SUV39H1: variants seen among roughly 807,000 people sequenced by gnomAD.
SUV39H1 encodes the protein histone-lysine N-methyltransferase SUV39H1.
For missense variants in SUV39H1, 180 were observed against 386.3 expected (o/e 0.47, Z 4.48); for synonymous variants, 141 against 150.5 (o/e 0.94, Z 0.46).
chrX:48,700,657 C>T lies in SUV39H1; in HGVS notation c.732C>T (p.Asp244=), dbSNP rs2062471734. The T allele has an allele frequency of 8.3e-7, 1 of 1,211,209 alleles. No homozygotes were observed. The highest frequency in any genetic ancestry group is 1.1e-6 in the Non-Finnish European group (1 of 895,485). The part of the protein sequence containing the change: ...NRVVQKGIRY[D]LCIFRTDDGR... ...TGGTACAGAAGGGTATCCGATATGACCTCTGCATCTTCCGCACGGATGATG... is the reference window on the plus strand; with the variant it reads ...TGGTACAGAAGGGTATCCGATATGATCTCTGCATCTTCCGCACGGATGATG... The change falls in exon 3 of 6, where the codon GAC becomes GAT. Residue 244 remains aspartate, a synonymous_variant. Coordinates refer to ENST00000376687, the MANE Select transcript of SUV39H1 (RefSeq NM_003173.4).
rs781951382 is a variant in SUV39H1, at chrX:48,700,249, G to A, written c.324G>A (p.Arg108=). ...LRRHHRSKTP[R]HLDPSLANYL... is the part of the protein sequence containing the mutation. ...GGCACCACCGGTCAAAGACCCCCCG[G>A]CACCTGGACCCAAGCTTGGCCAACT... Residue 108 remains arginine, a synonymous_variant, in exon 3 of 6, where the codon CGG becomes CGA. Transcript: ENST00000376687. The A allele has an allele frequency of 3.3e-6, 4 of 1,207,719 alleles. No individual in the cohort carries two copies. Among genetic ancestry groups the A allele is most frequent in the Middle Eastern group, 4.6e-4 (2 of 4,350 alleles).
chrX:48,696,728 G>C (rs1557008641), upstream of SUV39H1: 2 of 1,125,558 alleles, frequency 1.8e-6, no homozygotes, highest in African/African-American at 3.8e-5. Flanking sequence ...CCACGCCCGC[G>C]CGAGCGCTCT....
At position 48,700,198 on chromosome X, in the gene SUV39H1, G is replaced by A. The variant is rs782249211; in HGVS notation, c.273G>A (p.Lys91=). ...TGCGTATCCTCAAGCAGTTCCACAA[G>A]GACTTAGAAAGGGAGCTGCTCCGGC... ...KCVRILKQFH[K]DLERELLRRH... The change falls in exon 3 of 6, where the codon AAG becomes AAA. Residue 91 remains lysine (K), a synonymous_variant. Transcript: ENST00000376687. 8.3e-6 allele frequency: 10 copies of A among 1,203,599 alleles called. No homozygotes were observed. The South Asian group carries it at 9.0e-5, about 11-fold the overall frequency.
At position 48,706,589 on chromosome X, in the gene SUV39H1, G is replaced by A; in HGVS notation, c.1067G>A (p.Arg356Gln). 6 of 1,209,566 alleles carry A rather than the reference G, an allele frequency of 5.0e-6. No homozygotes were observed. Among genetic ancestry groups the A allele is most frequent in the Non-Finnish European group, 6.7e-6 (6 of 894,399 alleles). Residue 356 changes from arginine (R) to glutamine (Q), a missense_variant, in exon 5 of 6, where the codon CGG becomes CAG. By Grantham distance (43) the Arg-to-Gln change is conservative (BLOSUM62 1). Transcript: ENST00000376687. ...GCTTTCTTTGCCACAAGAACCATCC[G>A]GGCAGGCGAGGAGCTCACCTTTGAT... Reference protein sequence around the residue: ...RIAFFATRTIRAGEELTFDYN... With the variant: ...RIAFFATRTIQAGEELTFDYN...
At chrX:48,699,971 C>T (rs1198217400) in intron 2 of SUV39H1, 120 bp from the exon 3 acceptor site, 1 of 583,213 alleles carries the variant, frequency 1.7e-6, no homozygotes, top group Admixed American at 3.9e-5. Context: ...GAAGTCATTC[C>T]AGAAAAGGGG....
chrX:48,701,057 G>T (rs921785211), intron 3 of SUV39H1: 2 of 382,499 alleles, frequency 5.2e-6, no homozygotes, highest in Middle Eastern at 8.1e-4. Flanking sequence ...AGCATTCCTT[G>T]TAACAGGCCA....
intron 3 of SUV39H1, 177 bp downstream of exon 3, chrX:48,700,930 C>T (rs1557009383): frequency 1.8e-6 from 1 of 564,922 alleles, no homozygotes; most frequent in South Asian, 2.4e-5. Flanking sequence ...CAAGCTGGTA[C>T]ACACCAGCAT....
Position 48,707,459 on chromosome X carries a change from C to T in SUV39H1, c.1128C>T (p.Ser376=). ...CAGTGGACCCCGTGGACATGGAGAG[C>T]ACCCGCATGGACTCCAACTTTGGCC... ...NMQVDPVDME[S]TRMDSNFGLA... Residue 376 remains serine (S), a synonymous_variant, in exon 6 of 6, where the codon AGC becomes AGT. Coordinates refer to ENST00000376687, the MANE Select transcript of SUV39H1 (RefSeq NM_003173.4). 8.3e-7 allele frequency: 1 copy of T among 1,210,586 alleles called. No individual in the cohort carries two copies. The highest frequency in any genetic ancestry group is 1.1e-6 in the Non-Finnish European group (1 of 894,983).
chrX:48,695,975 G>C, upstream of SUV39H1: 2 of 1,054,364 alleles, frequency 1.9e-6, no homozygotes, highest in Non-Finnish European at 2.6e-6. Flanking sequence ...AGTAATCTGA[G>C]GGAAAGACAG....
At position 48,707,668 on chromosome X, in the gene SUV39H1, GCCTGCCTCCA is replaced by G. The variant is rs781834342; in HGVS notation, c.*105_*114del. 1 of 1,068,345 alleles carries G rather than the reference GCCTGCCTCCA, an allele frequency of 9.4e-7. No individual in the cohort carries two copies. Among genetic ancestry groups the G allele is most frequent in the East Asian group, 3.1e-5 (1 of 32,608 alleles). 88.0% of individuals were successfully genotyped at this position (1,068,345 alleles called of 1,213,427 possible). A position where few individuals can be genotyped will look rare whatever the true frequency, so the allele number is the denominator to read the frequency against. ...TGTCGAGAATGACTGCCAGGGCCTC[GCCTGCCTCCA>G]CCTGCCCCCACCTGCTCCTACCTGC... On this transcript the variant is annotated 3_prime_UTR_variant, in exon 6 of 6. Transcript: ENST00000376687.
intron 3 of SUV39H1, among the ~76,000 whole-genome samples, chrX:48,703,683 C>T (rs1404030938): frequency 8.9e-6 from 1 of 112,059 alleles, no homozygotes; most frequent in Non-Finnish European, 1.9e-5. Flanking sequence ...GTAAAGGGCA[C>T]ATAAAATTAA....
intron 3 of SUV39H1, 160 bp downstream of exon 3, chrX:48,700,913 A>G (rs1557009380): frequency 1.6e-6 from 1 of 644,189 alleles, no homozygotes; most frequent in Non-Finnish European, 2.5e-6. Flanking sequence ...GGCAGGGGCT[A>G]GTATTCCAAG....
intron 3 of SUV39H1, among the ~76,000 whole-genome samples, chrX:48,702,911 AAG>A (rs1305998154): frequency 1.8e-5 from 2 of 111,498 alleles, no homozygotes; most frequent in Non-Finnish European, 3.8e-5. Flanking sequence ...TTCCCCTCTG[AAG>A]AGACAGTATA....
Position 48,696,762 on chromosome X carries a change from A to G in SUV39H1, c.-23A>G. ...CTTCTCGCGAGGCCGGCTAGGCCCG[A>G]ATGTCGTTAGCCGTGGGGAAAGATG... On this transcript the variant is annotated 5_prime_UTR_variant, in exon 1 of 6. Transcript: ENST00000376687. The G allele has an allele frequency of 1.8e-6, 2 of 1,139,616 alleles. No homozygotes were observed. The highest frequency in any genetic ancestry group is 2.3e-6 in the Non-Finnish European group (2 of 860,691). The allele number at this position is 1,139,616 out of a possible 1,213,427, so 93.9% of individuals were successfully genotyped here.
chrX:48,707,368 T>TCCCTCCCTCCTTCTCC, intron 5 of SUV39H1, 69 bp from the exon 6 acceptor site: 1 of 1,016,096 alleles, frequency 9.8e-7, no homozygotes, highest in Non-Finnish European at 1.4e-6. Flanking sequence ...CCTACCTTCC[T>TCCCTCCCTCCTTCTCC]CCCTCCCTCC....
upstream of SUV39H1, among the ~76,000 whole-genome samples, chrX:48,696,436 G>A (rs1354448178): frequency 1.8e-5 from 2 of 112,141 alleles, no homozygotes; most frequent in African/African-American, 6.5e-5. Flanking sequence ...GTGATAACAG[G>A]GAGTATGACA....
In SUV39H1 at chrX:48,707,696, CTACCTGCTCT is replaced by C; in HGVS notation, c.*127_*136del. On this transcript the variant is annotated 3_prime_UTR_variant, in exon 6 of 6. Transcript: ENST00000376687. ...TGCCTCCACCTGCCCCCACCTGCTC[CTACCTGCTCT>C]ACGTTCAGGGCTGTGGCCGTGGTGA... 1 of 864,063 alleles carries C rather than the reference CTACCTGCTCT, an allele frequency of 1.2e-6. No individual in the cohort carries two copies. The highest frequency in any genetic ancestry group is 1.7e-6 in the Non-Finnish European group (1 of 599,279). The allele number at this position is 864,063 out of a possible 1,213,427, so 71.2% of individuals were successfully genotyped here. A position where few individuals can be genotyped will look rare whatever the true frequency, so the allele number is the denominator to read the frequency against.
In SUV39H1 at chrX:48,700,618, C is replaced by T; in HGVS notation, c.693C>T (p.Asp231=). 1 of 1,212,589 alleles carries T rather than the reference C, an allele frequency of 8.2e-7. No homozygotes were observed. Among genetic ancestry groups the T allele is most frequent in the Non-Finnish European group, 1.1e-6 (1 of 895,672 alleles). The stretch of plus-strand genomic sequence containing the variant: ...ACTCCCGCTGCCGCTGCGGCTATGA[C>T]TGCCCAAATCGTGTGGTACAGAAGG... The part of the protein sequence containing the change: ...ECNSRCRCGY[D]CPNRVVQKGI... Residue 231 remains aspartate, a synonymous_variant, in exon 3 of 6, where the codon GAC becomes GAT. Coordinates refer to ENST00000376687, the MANE Select transcript of SUV39H1 (RefSeq NM_003173.4).
At chrX:48,702,815 C>T (rs1248896081) in intron 3 of SUV39H1, among the ~76,000 whole-genome samples, 1 of 111,450 alleles carries the variant, frequency 9.0e-6, no homozygotes, top group Non-Finnish European at 1.9e-5. Flanking sequence ...GCACTATTTC[C>T]TGACCGCCCT....
Sources: gnomAD v4.1 joint callset for allele counts (sites outside exome capture counted in the v4.1 genomes callset) on GRCh38, gnomAD v4.1.1 for gene constraint, MANE v1.5 for transcripts, NCBI Gene and HGNC (gene_info 2026-07-23, HGNC 2026-07-21) for gene names.